IL16: variants seen among roughly 807,000 people sequenced by gnomAD.
IL16 encodes the protein pro-interleukin-16.
In IL16, 67 loss-of-function variants were observed where a neutral mutation model predicts 110.1. The ratio of observed to expected loss-of-function variants is 0.61; its 90% CI spans 0.50 to 0.75. The LOEUF (loss-of-function observed/expected upper bound fraction) is 0.75, where lower values mean the gene tolerates loss of function less well. Ranked by LOEUF, IL16 falls within the 30% of genes least tolerant of loss-of-function variation. The probability of loss-of-function intolerance (pLI) is 0.00; values close to 1 mark genes in which losing one functional copy is unlikely to be tolerated. For missense variants in IL16, 1,545 were observed against 1,655.0 expected (o/e 0.93, Z 1.15); for synonymous variants, 689 against 662.9 (o/e 1.04, Z -0.61).
intron 4 of IL16, 91 bp downstream of exon 4, chr15:81,265,892 A>G (rs1898360228): frequency 1.6e-6 from 2 of 1,284,254 alleles, no homozygotes; most frequent in Non-Finnish European, 2.1e-6. Context: ...AGGCCTTCCC[A>G]GTAGTTTTTT....
rs1435034533 is a variant in IL16, at chr15:81,306,177, C to T, written c.3679+11C>T. 2 of 1,611,300 alleles carry T rather than the reference C, an allele frequency of 1.2e-6. No homozygotes were observed. Among genetic ancestry groups the T allele is most frequent in the Middle Eastern group, 1.7e-4 (1 of 6,038 alleles). Reference sequence around the variant, plus strand: ...TTTCTGTAGAATCTAGTAAGTTCTCCCAACTCAGTGGAAGCCACATGGGCC... The same window carrying T: ...TTTCTGTAGAATCTAGTAAGTTCTCTCAACTCAGTGGAAGCCACATGGGCC... On this transcript the variant is annotated intron_variant, in intron 17 of 18. Coordinates refer to ENST00000683961, the MANE Select transcript of IL16 (RefSeq NM_172217.5).
At chr15:81,200,974 C>G (rs1895789689) in intron 1 of IL16, among the ~76,000 whole-genome samples, 1 of 152,180 alleles carries the variant, frequency 6.6e-6, no homozygotes, top group Admixed American at 6.5e-5. Context: ...TTCCTTCCTT[C>G]TCCTCATCCT....
At chr15:81,200,844 T>A (rs1039634237) in intron 1 of IL16, among the ~76,000 whole-genome samples, 1 of 152,184 alleles carries the variant, frequency 6.6e-6, no homozygotes, top group Non-Finnish European at 1.5e-5. Flanking sequence ...GAGTCAGCCA[T>A]AAGCTCATCT....
intron 6 of IL16, 91 bp from the exon 7 acceptor site, chr15:81,278,726 C>T (rs10851949): frequency 0.021 from 17,842 of 854,004 alleles, 1,388 homozygotes; most frequent in African/African-American, 0.21. Context: ...TACAAAAAGC[C>T]GGGCAGTTGG....
intron 9 of IL16, 37 bp from the exon 10 acceptor site, chr15:81,285,661 T>C (rs1379918050): frequency 3.1e-6 from 5 of 1,610,920 alleles, no homozygotes; most frequent in Non-Finnish European, 4.2e-6. Flanking sequence ...GTCTCATTGA[T>C]TCACTTACTG....
chr15:81,185,272 A>G (rs1236328214), intron 1 of IL16, among the ~76,000 whole-genome samples: 1 of 152,066 alleles, frequency 6.6e-6, no homozygotes, highest in Non-Finnish European at 1.5e-5. Flanking sequence ...GTCTCCTCCT[A>G]ATTTCCTATT....
At position 81,299,899 on chromosome 15, in the gene IL16, G is replaced by A. The variant is rs373788174; in HGVS notation, c.2573G>A (p.Gly858Glu). ...TFGSSQLPDKGAQRLSLQPSS... is the reference protein window; with the variant it reads ...TFGSSQLPDKEAQRLSLQPSS... ...GGCTCCTCTCAACTGCCTGACAAAG[G>A]AGCCCAGAGACTGAGCCTCCAGCCC... Residue 858 changes from glycine to glutamate, a missense_variant, in exon 14 of 19, where the codon GGA becomes GAA. Transcript: ENST00000683961. 51 of 1,613,426 alleles carry A rather than the reference G, an allele frequency of 3.2e-5. No individual in the cohort carries two copies. The South Asian group carries it at 4.9e-4, about 16-fold the overall frequency.
intron 13 of IL16, 99 bp downstream of exon 13, chr15:81,297,177 G>A (rs1453660644): frequency 4.3e-6 from 5 of 1,176,392 alleles, no homozygotes; most frequent in Non-Finnish European, 6.0e-6. Context: ...AGAGTGCTCT[G>A]CATTGACATC....
rs532872365 is a variant in IL16, at chr15:81,231,324, G to GTCTCTCTCTCTCTCTCTC, written c.312+5654_312+5671dup. On this transcript the variant is annotated intron_variant, in intron 2 of 18. Transcript: ENST00000683961. ...GGGGAGATCTACCCAAGGTCGGTCT[G>GTCTCTCTCTCTCTCTCTC]TCTCTCTCTCTCTCTCTCTCTCTCT... 4.2e-4 allele frequency among the ~76,000 whole-genome samples: 20 copies of GTCTCTCTCTCTCTCTCTC among 47,142 alleles called. 3 individuals are homozygous for GTCTCTCTCTCTCTCTCTC. Among genetic ancestry groups the GTCTCTCTCTCTCTCTCTC allele is most frequent in the East Asian group, 1.5e-3 (2 of 1,346 alleles). 30.9% of individuals were successfully genotyped at this position (47,142 alleles called of 152,430 possible).
chr15:81,217,434 G>A (rs1896472119), intron 1 of IL16, among the ~76,000 whole-genome samples: 2 of 152,038 alleles, frequency 1.3e-5, no homozygotes, highest in South Asian at 2.1e-4. Flanking sequence ...CTACCTAAAG[G>A]GGATGCCAGG....
At position 81,312,333 on chromosome 15, in the gene IL16, C is replaced by T. The variant is rs1203555157; in HGVS notation, c.*3535C>T. 1 of 152,266 alleles carries T rather than the reference C, an allele frequency of 6.6e-6. No homozygotes were observed. Among genetic ancestry groups the T allele is most frequent in the African/African-American group, 2.4e-5 (1 of 41,460 alleles). The allele number at this position is 152,266 out of a possible 1,614,324, so 9.4% of individuals were successfully genotyped here. A position where few individuals can be genotyped will look rare whatever the true frequency, so the allele number is the denominator to read the frequency against. On this transcript the variant is annotated 3_prime_UTR_variant, in exon 19 of 19. Transcript: ENST00000683961. ...CTAGAGGGGGGATTTCCAGCCAGGG[C>T]TGCTAGACGGAGGCCTACTCTTCCA...
chr15:81,279,033 A>C (rs994271479), intron 7 of IL16, 143 bp downstream of exon 7: 4 of 658,490 alleles, frequency 6.1e-6, no homozygotes, highest in Non-Finnish European at 1.1e-5. Flanking sequence ...GCGCAGGGTT[A>C]AAAGAAGACC....
At chr15:81,217,627 A>T (rs1168867804) in intron 1 of IL16, among the ~76,000 whole-genome samples, 4 of 152,206 alleles carry the variant, frequency 2.6e-5, no homozygotes. Context: ...AAAAGTCCTA[A>T]ATAAAATGTT....
chr15:81,245,145 T>C (rs1051594370), intron 2 of IL16, among the ~76,000 whole-genome samples: 2 of 152,326 alleles, frequency 1.3e-5, no homozygotes, highest in African/African-American at 4.8e-5. Context: ...ATCATCTCAG[T>C]GTTGGCATCT....
At chr15:81,270,796 A>G (rs141971977) in intron 5 of IL16, among the ~76,000 whole-genome samples, 21 of 152,360 alleles carry the variant, frequency 1.4e-4, no homozygotes, top group African/African-American at 4.8e-4. Context: ...TATGCATTCA[A>G]TGAGTAATCT....
intron 13 of IL16, 174 bp from the exon 14 acceptor site, chr15:81,299,206 G>C (rs905621592): frequency 3.1e-5 from 31 of 989,494 alleles, no homozygotes; most frequent in Non-Finnish European, 4.0e-5. Context: ...ACTCCTGCCT[G>C]TTGGCAGCTC....
chr15:81,257,317 T>C (rs925474534), intron 2 of IL16, among the ~76,000 whole-genome samples: 2 of 152,188 alleles, frequency 1.3e-5, no homozygotes, highest in Non-Finnish European at 2.9e-5. Flanking sequence ...AAAGACTGAG[T>C]GGACTTCTGG....
chr15:81,189,968 T>C (rs1433598167), intron 1 of IL16, among the ~76,000 whole-genome samples: 4 of 152,164 alleles, frequency 2.6e-5, no homozygotes, highest in Non-Finnish European at 5.9e-5. Context: ...ACTGAAAGCG[T>C]GGGACAAATA....
intron 2 of IL16, among the ~76,000 whole-genome samples, chr15:81,237,581 C>T (rs1050743225): frequency 5.9e-5 from 9 of 152,090 alleles, no homozygotes; most frequent in African/African-American, 1.9e-4. Context: ...CAAACCTTAC[C>T]GTTAACTTTG....
Sources: gnomAD v4.1 joint callset for allele counts (sites outside exome capture counted in the v4.1 genomes callset) on GRCh38, gnomAD v4.1.1 for gene constraint, MANE v1.5 for transcripts, NCBI Gene and HGNC (gene_info 2026-07-23, HGNC 2026-07-21) for gene names.